Variants in IMMP2L observed in about 807,000 individuals in gnomAD.
IMMP2L encodes the protein inner mitochondrial membrane peptidase subunit 2, also known as mitochondrial inner membrane protease subunit 2.
Under a neutral mutation model 19.3 loss-of-function variants are expected in IMMP2L, and 18 were observed. The ratio of observed to expected loss-of-function variants is 0.93; its 90% CI spans 0.64 to 1.38. IMMP2L has a LOEUF of 1.38. Ranked by LOEUF, IMMP2L falls within the 40% of genes most tolerant of loss-of-function variation. The probability of loss-of-function intolerance (pLI) is 0.00; values close to 1 mark genes in which losing one functional copy is unlikely to be tolerated. For synonymous variants in IMMP2L, 76 were observed against 73.0 expected (o/e 1.04, Z -0.21); for missense variants, 233 against 218.2 (o/e 1.07, Z -0.43).
At chr7:111,401,752 G>A (rs987062493) in intron 3 of IMMP2L, among the ~76,000 whole-genome samples, 4 of 152,042 alleles carry the variant, frequency 2.6e-5, no homozygotes, top group Non-Finnish European at 5.9e-5. Context: ...GCATAGCTAC[G>A]TTCAACATCA....
intron 3 of IMMP2L, among the ~76,000 whole-genome samples, chr7:111,240,710 AG>A (rs1246004911): frequency 6.6e-6 from 1 of 151,958 alleles, no homozygotes; most frequent in Non-Finnish European, 1.5e-5. Flanking sequence ...TAGCACTTGT[AG>A]GTCTAGGCTA....
At chr7:110,857,461 C>A (rs538808963) in intron 5 of IMMP2L, among the ~76,000 whole-genome samples, 1 of 152,010 alleles carries the variant, frequency 6.6e-6, no homozygotes, top group African/African-American at 2.4e-5. Context: ...ATTTGACTAA[C>A]ATAAAAGACA....
intron 3 of IMMP2L, among the ~76,000 whole-genome samples, chr7:111,355,296 T>C (rs1828587347): frequency 6.6e-6 from 1 of 151,860 alleles, no homozygotes; most frequent in Non-Finnish European, 1.5e-5. Flanking sequence ...ATAATAATAC[T>C]AATGCATGAC....
At chr7:111,383,065 A>T (rs924284529) in intron 3 of IMMP2L, among the ~76,000 whole-genome samples, 12 of 152,076 alleles carry the variant, frequency 7.9e-5, no homozygotes, top group Non-Finnish European at 1.3e-4. Flanking sequence ...GATTGCCATT[A>T]GTCATGGAGG....
In IMMP2L at chr7:110,663,613, C is replaced by T; in HGVS notation, c.517G>A (p.Glu173Lys). 1.9e-6 allele frequency: 3 copies of T among 1,613,554 alleles called. No individual in the cohort carries two copies. Among genetic ancestry groups the T allele is most frequent in the Middle Eastern group, 1.7e-4 (1 of 6,060 alleles). ...LPPERLPVQR[E>K]EE is the part of the protein sequence containing the mutation. Reference sequence around the variant, plus strand: ...GTAGATTCATGCAGTCATTCCTCTTCTCTCTGTACTGGTAAGCGCTCTGGA... The same window carrying T: ...GTAGATTCATGCAGTCATTCCTCTTTTCTCTGTACTGGTAAGCGCTCTGGA... Residue 173 changes from glutamate (E) to lysine (K), a missense_variant, in exon 6 of 6, where the codon GAA becomes AAA. Glu to Lys is a moderately conservative substitution (Grantham distance 56). Coordinates refer to ENST00000405709, the MANE Select transcript of IMMP2L (RefSeq NM_032549.4).
chr7:111,137,664 C>G (rs900276164), intron 3 of IMMP2L, among the ~76,000 whole-genome samples: 35 of 152,182 alleles, frequency 2.3e-4, no homozygotes, highest in African/African-American at 8.4e-4. Flanking sequence ...CAGTCAGAAG[C>G]AGTCCATTTC....
At chr7:111,351,361 T>C (rs1828139262) in intron 3 of IMMP2L, among the ~76,000 whole-genome samples, 3 of 152,112 alleles carry the variant, frequency 2.0e-5, no homozygotes, top group East Asian at 1.9e-4. Context: ...CAGCTAATTT[T>C]TGTATTTTTA....
intron 4 of IMMP2L, among the ~76,000 whole-genome samples, chr7:110,906,084 C>T (rs543456357): frequency 3.3e-5 from 5 of 152,246 alleles, no homozygotes; most frequent in Admixed American, 3.3e-4. Flanking sequence ...AATTTTTCCC[C>T]AGCCTTTCAC....
chr7:111,337,705 AC>A (rs1162346660), intron 3 of IMMP2L, among the ~76,000 whole-genome samples: 1 of 152,144 alleles, frequency 6.6e-6, no homozygotes, highest in Non-Finnish European at 1.5e-5. Context: ...AGGTAGGCTG[AC>A]AAATAAATGA....
At chr7:111,323,236 A>G (rs1322516499) in intron 3 of IMMP2L, among the ~76,000 whole-genome samples, 6 of 152,068 alleles carry the variant, frequency 3.9e-5, no homozygotes, top group Non-Finnish European at 8.8e-5. Flanking sequence ...TCTGCAATCT[A>G]CTCATCTGAC....
At chr7:111,384,109 A>G (rs1416921270) in intron 3 of IMMP2L, among the ~76,000 whole-genome samples, 3 of 151,910 alleles carry the variant, frequency 2.0e-5, no homozygotes, top group African/African-American at 7.3e-5. Flanking sequence ...ATACCAGTGC[A>G]CTCCAGCCCG....
At chr7:110,786,167 A>T (rs1392513526) in intron 5 of IMMP2L, among the ~76,000 whole-genome samples, 1 of 151,980 alleles carries the variant, frequency 6.6e-6, no homozygotes, top group East Asian at 1.9e-4. Flanking sequence ...GCTTCATATA[A>T]AGAAATTAGT....
At chr7:111,353,252 G>A (rs1828367757) in intron 3 of IMMP2L, among the ~76,000 whole-genome samples, 1 of 152,108 alleles carries the variant, frequency 6.6e-6, no homozygotes, top group Admixed American at 6.6e-5. Context: ...TTCAACTAAA[G>A]GGAGCTTCTA....
intron 3 of IMMP2L, among the ~76,000 whole-genome samples, chr7:110,998,046 A>G (rs1353077097): frequency 2.4e-4 from 36 of 152,196 alleles, no homozygotes; most frequent in Admixed American, 2.4e-3. Context: ...ATAATGTATC[A>G]TTATTCTTAA....
chr7:111,339,709 T>C (rs1826821532), intron 3 of IMMP2L, among the ~76,000 whole-genome samples: 1 of 152,030 alleles, frequency 6.6e-6, no homozygotes, highest in African/African-American at 2.4e-5. Context: ...ATGTTTTCAG[T>C]CCTCTATCTC....
chr7:111,324,719 T>A (rs1825126554), intron 3 of IMMP2L, among the ~76,000 whole-genome samples: 1 of 151,842 alleles, frequency 6.6e-6, no homozygotes, highest in Admixed American at 6.6e-5. Flanking sequence ...AAAAAATAAA[T>A]ATTCAATATC....
At position 111,368,173 on chromosome 7, in the gene IMMP2L, T is replaced by C. The variant is rs575341321; in HGVS notation, c.239+119065A>G. ...AAAAGAGTTTTCCAGCACAATAGAA[T>C]TATCAGGTGTATTAAGTGGATATGT... On this transcript the variant is annotated intron_variant, in intron 3 of 5. Transcript: ENST00000405709. 4.6e-5 allele frequency among the ~76,000 whole-genome samples: 7 copies of C among 151,906 alleles called. No individual in the cohort carries two copies. In the South Asian group the frequency reaches 1.3e-3, roughly 27 times the overall value.
intron 3 of IMMP2L, among the ~76,000 whole-genome samples, chr7:111,169,434 G>C (rs1369635720): frequency 6.6e-6 from 1 of 151,940 alleles, no homozygotes; most frequent in East Asian, 1.9e-4. Context: ...TTTGAGCAGT[G>C]AACAACCAAA....
intron 3 of IMMP2L, among the ~76,000 whole-genome samples, chr7:111,178,044 G>A (rs1807265397): frequency 6.6e-6 from 1 of 151,976 alleles, no homozygotes; most frequent in Non-Finnish European, 1.5e-5. Context: ...TTACTAGCTA[G>A]GGGACATATA....
Sources: allele counts gnomAD v4.1 joint callset (sites outside exome capture counted in the v4.1 genomes callset), GRCh38; gene constraint gnomAD v4.1.1; transcripts MANE v1.5; gene names NCBI Gene and HGNC (gene_info 2026-07-23, HGNC 2026-07-21).